LSAMP: variants seen among roughly 807,000 people sequenced by gnomAD.
The protein encoded by LSAMP is limbic system-associated membrane protein.
A neutral mutation model predicts 38.6 loss-of-function variants in LSAMP; 7 were observed. That is an observed-to-expected ratio of 0.18 (90% CI 0.10 to 0.34). LSAMP has a LOEUF of 0.34. Ranked by LOEUF, LSAMP falls within the 10% of genes least tolerant of loss-of-function variation. The probability of loss-of-function intolerance (pLI) is 1.00; values close to 1 mark genes in which losing one functional copy is unlikely to be tolerated. For synonymous variants in LSAMP, 154 were observed against 166.8 expected (o/e 0.92, Z 0.59); for missense variants, 313 against 420.0 (o/e 0.75, Z 2.23).
chr3:116,259,610 G>A (rs1354931606), intron 1 of LSAMP, among the ~76,000 whole-genome samples: 1 of 152,162 alleles, frequency 6.6e-6, no homozygotes, highest in Non-Finnish European at 1.5e-5. Context: ...TGATGTGCAT[G>A]CAAGTAGTTT....
intron 1 of LSAMP, among the ~76,000 whole-genome samples, chr3:116,087,475 A>T (rs1708017642): frequency 6.6e-6 from 1 of 152,200 alleles, no homozygotes; most frequent in Non-Finnish European, 1.5e-5. Flanking sequence ...AAAATCTAGC[A>T]GAAAACAAAA....
chr3:116,096,284 A>T (rs558134964), intron 1 of LSAMP, among the ~76,000 whole-genome samples: 2 of 152,168 alleles, frequency 1.3e-5, no homozygotes, highest in East Asian at 3.9e-4. Context: ...TTTTATTTCC[A>T]TATCCTTCCA....
At chr3:116,120,580 G>C (rs1033984934) in intron 1 of LSAMP, among the ~76,000 whole-genome samples, 1 of 152,180 alleles carries the variant, frequency 6.6e-6, no homozygotes, top group African/African-American at 2.4e-5. Context: ...CAAGCTTCTA[G>C]GGTGTCAAGG....
chr3:116,385,421 A>G (rs1040969736), intron 1 of LSAMP, among the ~76,000 whole-genome samples: 1 of 152,166 alleles, frequency 6.6e-6, no homozygotes, highest in Non-Finnish European at 1.5e-5. Context: ...TTTATTTTTT[A>G]TTATTCCCAC....
intron 3 of LSAMP, among the ~76,000 whole-genome samples, chr3:115,936,945 A>G (rs1438213802): frequency 6.6e-6 from 1 of 152,194 alleles, no homozygotes; most frequent in Non-Finnish European, 1.5e-5. Context: ...AGTTAAGTGC[A>G]TAAGCTATAT....
At chr3:116,267,611 CA>C (rs59540404) in intron 1 of LSAMP, among the ~76,000 whole-genome samples, 213 of 140,098 alleles carry the variant, frequency 1.5e-3, no homozygotes, top group African/African-American at 5.2e-3. Context: ...TTTAAGCTGG[CA>C]AAAAAAAAAA....
intron 1 of LSAMP, among the ~76,000 whole-genome samples, chr3:116,179,892 A>G (rs1187504060): frequency 6.6e-6 from 1 of 152,196 alleles, no homozygotes; most frequent in African/African-American, 2.4e-5. Flanking sequence ...AGAAAGAAAT[A>G]CTTTTGACCT....
chr3:116,114,382 A>G (rs558120086), intron 1 of LSAMP, among the ~76,000 whole-genome samples: 29 of 152,318 alleles, frequency 1.9e-4, no homozygotes, highest in African/African-American at 6.0e-4. Context: ...TAGGCAGTAC[A>G]TGGGTTGGAA....
At chr3:116,311,835 G>A (rs1200563359) in intron 1 of LSAMP, among the ~76,000 whole-genome samples, 1 of 152,198 alleles carries the variant, frequency 6.6e-6, no homozygotes, top group East Asian at 1.9e-4. Flanking sequence ...AGTAGCAGTG[G>A]TAGTATTAGC....
intron 1 of LSAMP, among the ~76,000 whole-genome samples, chr3:116,092,512 T>TA (rs1018677118): frequency 3.3e-5 from 5 of 152,182 alleles, no homozygotes; most frequent in African/African-American, 7.2e-5. Context: ...CTATGATTTT[T>TA]AAAAAATCAT....
At chr3:116,022,995 C>T (rs951906910) in intron 2 of LSAMP, among the ~76,000 whole-genome samples, 1 of 152,066 alleles carries the variant, frequency 6.6e-6, no homozygotes, top group African/African-American at 2.4e-5. Context: ...CCCTTGACTG[C>T]TCTCTCCCCT....
At chr3:115,856,246 G>A (rs926781557) in intron 3 of LSAMP, among the ~76,000 whole-genome samples, 20 of 152,136 alleles carry the variant, frequency 1.3e-4, no homozygotes, top group Admixed American at 1.2e-3. Context: ...AAGTGATGAC[G>A]GTATTTGGAA....
chr3:116,221,197 G>A (rs7428913), intron 1 of LSAMP, among the ~76,000 whole-genome samples: 27,106 of 135,356 alleles, frequency 0.2, 2,626 homozygotes, highest in Admixed American at 0.25. Flanking sequence ...ATATATAACC[G>A]AAACATTTAT....
At chr3:116,396,982 T>G (rs1297097052) in intron 1 of LSAMP, among the ~76,000 whole-genome samples, 1 of 152,198 alleles carries the variant, frequency 6.6e-6, no homozygotes, top group African/African-American at 2.4e-5. Flanking sequence ...ACTATAGCTT[T>G]TGTCCATGCT....
At chr3:115,950,104 A>G (rs1263012185) in intron 3 of LSAMP, among the ~76,000 whole-genome samples, 1 of 152,198 alleles carries the variant, frequency 6.6e-6, no homozygotes, top group Non-Finnish European at 1.5e-5. Context: ...ATAGTTATCT[A>G]TGACAAACCC....
chr3:115,970,420 T>A (rs1227665564), intron 3 of LSAMP, among the ~76,000 whole-genome samples: 2 of 152,298 alleles, frequency 1.3e-5, no homozygotes, highest in East Asian at 3.9e-4. Flanking sequence ...GCCTAGCTGG[T>A]GTTTTCCCCT....
chr3:116,316,313 G>C (rs879521413), intron 1 of LSAMP, among the ~76,000 whole-genome samples: 1 of 152,168 alleles, frequency 6.6e-6, no homozygotes, highest in Non-Finnish European at 1.5e-5. Context: ...ACAAGGCTCT[G>C]TTTGGGTATG....
intron 3 of LSAMP, among the ~76,000 whole-genome samples, chr3:115,855,628 T>TAC (rs2107527584): frequency 6.6e-6 from 1 of 152,296 alleles, no homozygotes; most frequent in East Asian, 1.9e-4. Flanking sequence ...CAGGGGAAAC[T>TAC]ACACCGTATT....
chr3:115,922,844 A>T (rs1937414057), intron 3 of LSAMP, among the ~76,000 whole-genome samples: 1 of 151,918 alleles, frequency 6.6e-6, no homozygotes, highest in African/African-American at 2.4e-5. Flanking sequence ...GGAGTTTATA[A>T]TCTCTTCCTC....
Sources: allele counts gnomAD v4.1 joint callset (sites outside exome capture counted in the v4.1 genomes callset), GRCh38; gene constraint gnomAD v4.1.1; transcripts MANE v1.5; gene names NCBI Gene and HGNC (gene_info 2026-07-23, HGNC 2026-07-21).